The following THEMIS variants were observed in gnomAD, a reference collection of about 807,000 sequenced individuals.
THEMIS encodes the protein protein THEMIS.
Under a neutral mutation model 52.6 loss-of-function variants are expected in THEMIS, and 37 were observed. The ratio of observed to expected loss-of-function variants is 0.70; its 90% CI spans 0.54 to 0.93. THEMIS has a LOEUF of 0.93. THEMIS is among the 40% of genes least tolerant of loss of function. The pLI, the probability that THEMIS is intolerant of heterozygous loss-of-function variation, is 0.00. For synonymous variants in THEMIS, 292 were observed against 272.7 expected (o/e 1.07, Z -0.70); for missense variants, 808 against 763.1 (o/e 1.06, Z -0.69).
chr6:127,858,334 C>T (rs1779685230), intron 1 of THEMIS, among the ~76,000 whole-genome samples: 1 of 152,026 alleles, frequency 6.6e-6, no homozygotes, highest in Non-Finnish European at 1.5e-5. Flanking sequence ...AAATAATAAT[C>T]TTTTGTAATT....
intron 4 of THEMIS, among the ~76,000 whole-genome samples, chr6:127,782,733 G>T (rs989303186): frequency 1.6e-5 from 2 of 123,744 alleles, no homozygotes; most frequent in South Asian, 5.2e-4. Flanking sequence ...GACTTGAGCT[G>T]TTCCTATTTG....
At chr6:127,760,824 A>G (rs1775997723) in intron 4 of THEMIS, among the ~76,000 whole-genome samples, 1 of 152,136 alleles carries the variant, frequency 6.6e-6, no homozygotes, top group Admixed American at 6.6e-5. Context: ...ACATAAATGT[A>G]AGAACTGAAG....
At chr6:127,882,292 C>T (rs1381722527) in intron 1 of THEMIS, among the ~76,000 whole-genome samples, 2 of 151,728 alleles carry the variant, frequency 1.3e-5, no homozygotes, top group Non-Finnish European at 3.0e-5. Context: ...AATTATTTTG[C>T]CCAACTGTAG....
intron 4 of THEMIS, among the ~76,000 whole-genome samples, chr6:127,790,953 C>A (rs961188023): frequency 6.6e-6 from 1 of 152,202 alleles, no homozygotes; most frequent in African/African-American, 2.4e-5. Context: ...TGCCAGGAAC[C>A]ACAGAACCCC....
Position 127,799,020 on chromosome 6 carries a change from GA to G in THEMIS, c.1758+13862del, listed in dbSNP as rs1375807262. 6.0e-5 allele frequency among the ~76,000 whole-genome samples: 9 copies of G among 149,814 alleles called. 1 individual carries two copies. The highest frequency in any genetic ancestry group is 3.3e-4 in the Admixed American group (5 of 15,110). On this transcript the variant is annotated intron_variant, in intron 4 of 5. Transcript: ENST00000368248. ...AAAAAAAAAAAAAAGAAAGAAAAAA[GA>G]AAAATTAAAGACTCAGAAGAGAATA...
intron 3 of THEMIS, among the ~76,000 whole-genome samples, chr6:127,826,502 C>A (rs536357616): frequency 1.3e-5 from 2 of 152,100 alleles, no homozygotes; most frequent in South Asian, 4.2e-4. Context: ...AACCATACCT[C>A]CCAAATTTGA....
intron 4 of THEMIS, among the ~76,000 whole-genome samples, chr6:127,806,149 G>A (rs1182759922): frequency 6.6e-6 from 1 of 151,980 alleles, no homozygotes; most frequent in Non-Finnish European, 1.5e-5. Flanking sequence ...TTCTGTTATT[G>A]CTATCATTTC....
chr6:127,801,879 A>G (rs1004466029), intron 4 of THEMIS, among the ~76,000 whole-genome samples: 1 of 152,144 alleles, frequency 6.6e-6, no homozygotes, highest in Non-Finnish European at 1.5e-5. Flanking sequence ...ACGGGAAAAG[A>G]ACTGCTTGAG....
chr6:127,901,769 T>G (rs191538194), upstream of THEMIS, among the ~76,000 whole-genome samples: 110 of 152,192 alleles, frequency 7.2e-4, 1 homozygote, highest in African/African-American at 2.6e-3. Context: ...TTTCATTTGT[T>G]TTATTTACTA....
intron 4 of THEMIS, among the ~76,000 whole-genome samples, chr6:127,727,723 A>G (rs558126928): frequency 2.0e-5 from 3 of 152,240 alleles, no homozygotes; most frequent in Non-Finnish European, 4.4e-5. Flanking sequence ...ATTACTGTAT[A>G]TAAATTATCA....
intron 1 of THEMIS, among the ~76,000 whole-genome samples, chr6:127,879,535 TA>T (rs1034543529): frequency 1.3e-5 from 2 of 150,916 alleles, no homozygotes; most frequent in Non-Finnish European, 2.9e-5. Flanking sequence ...TCTTTATTGA[TA>T]ATGGCTGAAA....
chr6:127,697,647 G>A, the THEMIS span, among the ~76,000 whole-genome samples: 1 of 152,012 alleles, frequency 6.6e-6, no homozygotes, highest in South Asian at 2.1e-4. Flanking sequence ...TGTCATGTAT[G>A]TTTTGACTTC....
intron 4 of THEMIS, among the ~76,000 whole-genome samples, chr6:127,747,475 T>C (rs1026234569): frequency 2.0e-5 from 3 of 149,950 alleles, no homozygotes; most frequent in African/African-American, 7.3e-5. Context: ...CTAGACAATG[T>C]TAAATTTATA....
intron 4 of THEMIS, among the ~76,000 whole-genome samples, chr6:127,746,912 TAA>T (rs1562231158): frequency 2.9e-4 from 17 of 58,860 alleles, no homozygotes; most frequent in African/African-American, 1.2e-3. Flanking sequence ...ATATTATATA[TAA>T]TTATATATAG....
chr6:127,850,744 G>A (rs1418913714), intron 2 of THEMIS, among the ~76,000 whole-genome samples: 1 of 151,756 alleles, frequency 6.6e-6, no homozygotes, highest in Non-Finnish European at 1.5e-5. Context: ...GGGAAGGTTG[G>A]AAGGGGGTGA....
chr6:127,860,646 G>A (rs1246601832), intron 1 of THEMIS, among the ~76,000 whole-genome samples: 1 of 152,060 alleles, frequency 6.6e-6, no homozygotes, highest in African/African-American at 2.4e-5. Flanking sequence ...AGTTCCTACA[G>A]ATTGGAAATG....
intron 1 of THEMIS, among the ~76,000 whole-genome samples, chr6:127,899,148 A>T (rs1781059294): frequency 6.6e-6 from 1 of 151,914 alleles, no homozygotes; most frequent in Non-Finnish European, 1.5e-5. Flanking sequence ...AAGAAATGGT[A>T]AAAGTTTGAG....
intron 3 of THEMIS, among the ~76,000 whole-genome samples, chr6:127,824,925 AAAACAAAC>A (rs57655447): frequency 2.8e-4 from 42 of 151,334 alleles, no homozygotes; most frequent in South Asian, 1.2e-3. Flanking sequence ...ACTCCGTCTC[AAAACAAAC>A]AAACAAACAA....
intron 4 of THEMIS, among the ~76,000 whole-genome samples, chr6:127,739,918 C>T (rs967356903): frequency 1.3e-5 from 2 of 152,198 alleles, no homozygotes; most frequent in African/African-American, 4.8e-5. Flanking sequence ...GCAGGGCTGA[C>T]ATTCGCTGGC....
Sources: allele counts gnomAD v4.1 joint callset (sites outside exome capture counted in the v4.1 genomes callset), GRCh38; gene constraint gnomAD v4.1.1; transcripts MANE v1.5; gene names NCBI Gene and HGNC (gene_info 2026-07-23, HGNC 2026-07-21).